IL4R: variants seen among roughly 807,000 people sequenced by gnomAD.
IL4R encodes interleukin-4 receptor subunit alpha.
IL4R carries 17 observed loss-of-function variants against 41.5 expected under a neutral mutation model. That is an observed-to-expected ratio of 0.41 (90% confidence interval 0.28 to 0.61). The LOEUF (loss-of-function observed/expected upper bound fraction) is 0.61. Among genes scored for constraint, IL4R ranks in the 20% least tolerant of loss-of-function variants. The pLI, the probability that IL4R is intolerant of heterozygous loss-of-function variation, is 0.31. For synonymous variants in IL4R, 402 were observed against 422.9 expected (o/e 0.95, Z 0.61); for missense variants, 974 against 1,043.1 (o/e 0.93, Z 0.91).
chr16:27,325,877 C>T (rs1160112683), intron 1 of IL4R, among the ~76,000 whole-genome samples: 2 of 152,106 alleles, frequency 1.3e-5, no homozygotes. Flanking sequence ...GCAGCTTGCC[C>T]AGCAGGCTGG....
At position 27,345,018 on chromosome 16, in the gene IL4R, A is replaced by G. The variant is rs2085589258; in HGVS notation, c.359A>G (p.His120Arg). The change falls in exon 5 of 11, where the codon CAT becomes CGT. Residue 120 changes from histidine (H) to arginine (R), a missense_variant and splice_region_variant. His to Arg is a conservative substitution (Grantham distance 29). Coordinates refer to ENST00000395762, the MANE Select transcript of IL4R (RefSeq NM_000418.4). This position sits in a 1 kb window ranked among gnomAD's most constrained non-coding sequence, Gnocchi z 4.5. ...LWKGSFKPSE[H>R]VKPRAPGNLT... ...AAGGGCTCCTTCAAGCCCAGCGAGCATGGTGAGCAGGGCGGAGTGCGGCAG... is the reference window on the plus strand; with the variant it reads ...AAGGGCTCCTTCAAGCCCAGCGAGCGTGGTGAGCAGGGCGGAGTGCGGCAG... 7.2e-7 allele frequency: 1 copy of G among 1,379,486 alleles called. No homozygotes were observed. Among genetic ancestry groups the G allele is most frequent in the East Asian group, 3.8e-5 (1 of 26,234 alleles). 85.5% of individuals were successfully genotyped at this position (1,379,486 alleles called of 1,614,324 possible).
intron 8 of IL4R, among the ~76,000 whole-genome samples, chr16:27,358,468 C>A (rs1361949625): frequency 1.3e-5 from 2 of 152,330 alleles, no homozygotes; most frequent in East Asian, 3.9e-4. Context: ...CTCCGTAGGT[C>A]CCCCAGCTTC....
At chr16:27,328,921 A>T (rs1276757245) in intron 1 of IL4R, among the ~76,000 whole-genome samples, 1 of 152,154 alleles carries the variant, frequency 6.6e-6, no homozygotes, top group African/African-American at 2.4e-5. Context: ...ACCGTTCATA[A>T]TGTAGATTGC....
intron 1 of IL4R, among the ~76,000 whole-genome samples, chr16:27,329,210 C>T (rs1279718856): frequency 6.6e-6 from 1 of 152,082 alleles, no homozygotes; most frequent in Non-Finnish European, 1.5e-5. Flanking sequence ...ATAAAAGCTC[C>T]CTGAGGCCTC....
At chr16:27,362,210 C>CG in intron 10 of IL4R, 42 bp from the exon 11 acceptor site, 2 of 1,589,558 alleles carry the variant, frequency 1.3e-6, no homozygotes, top group Non-Finnish European at 1.7e-6. Context: ...AGGAGTTTTT[C>CG]AAGTGTCGAA....
chr16:27,344,623 G>A (rs1490806662), intron 4 of IL4R, among the ~76,000 whole-genome samples: 7 of 152,228 alleles, frequency 4.6e-5, no homozygotes, highest in Non-Finnish European at 1.0e-4. Flanking sequence ...ACCAGGGCCG[G>A]CAGCTAGGCA....
intron 2 of IL4R, among the ~76,000 whole-genome samples, chr16:27,334,859 A>T (rs889962929): frequency 6.6e-6 from 1 of 152,094 alleles, no homozygotes; most frequent in African/African-American, 2.4e-5. Context: ...TAGGGGCCCC[A>T]CATCATGTCC....
chr16:27,338,770 G>T (rs1029619639), intron 2 of IL4R, among the ~76,000 whole-genome samples: 1 of 152,042 alleles, frequency 6.6e-6, no homozygotes, highest in Non-Finnish European at 1.5e-5. Flanking sequence ...GTGAGGAATG[G>T]GCTCTCACCA....
intron 7 of IL4R, among the ~76,000 whole-genome samples, 196 bp downstream of exon 7, chr16:27,352,892 T>G (rs1386908028): frequency 2.0e-5 from 3 of 152,174 alleles, no homozygotes; most frequent in African/African-American, 7.2e-5. Flanking sequence ...AAGCCCACAA[T>G]TTCCATGGCT....
At position 27,345,068 on chromosome 16, in the gene IL4R, C is replaced by T; in HGVS notation, c.361+48C>T. On this transcript the variant is annotated intron_variant, in intron 5 of 10. Transcript: ENST00000395762. This position sits in a 1 kb window ranked among gnomAD's most constrained non-coding sequence, Gnocchi z 4.5. ...GGGGTGGCTGGGTGTGTTCCCACAG[C>T]TGCCTGGGCTGAGGGTGGGGTGGGC... is the stretch of plus-strand genomic sequence containing the variant. The T allele has an allele frequency of 9.6e-7, 1 of 1,044,512 alleles. No individual in the cohort carries two copies. Among genetic ancestry groups the T allele is most frequent in the Non-Finnish European group, 1.4e-6 (1 of 723,546 alleles). 64.7% of individuals were successfully genotyped at this position (1,044,512 alleles called of 1,614,324 possible).
intron 1 of IL4R, among the ~76,000 whole-genome samples, chr16:27,323,808 A>G (rs1199293097): frequency 6.6e-6 from 1 of 152,056 alleles, no homozygotes; most frequent in Non-Finnish European, 1.5e-5. Flanking sequence ...GGCATGTGCC[A>G]CCATGCCTGG....
intron 4 of IL4R, 141 bp downstream of exon 4, chr16:27,342,400 G>C: frequency 8.0e-6 from 8 of 996,788 alleles, no homozygotes; most frequent in Non-Finnish European, 1.2e-5. Context: ...TAGAGGGGAG[G>C]TCCCATCTCC....
intron 1 of IL4R, among the ~76,000 whole-genome samples, chr16:27,317,886 G>T (rs1295183003): frequency 6.6e-6 from 1 of 152,170 alleles, no homozygotes; most frequent in East Asian, 1.9e-4. Context: ...CTGCATTTTG[G>T]ACCGAGTCCC....
intron 2 of IL4R, among the ~76,000 whole-genome samples, chr16:27,336,368 G>A (rs533652813): frequency 1.3e-5 from 2 of 152,208 alleles, no homozygotes; most frequent in African/African-American, 4.8e-5. Context: ...TAGGGGAAGA[G>A]AGGAAAAGCA....
chr16:27,325,359 G>T (rs1000883556), intron 1 of IL4R, among the ~76,000 whole-genome samples: 7 of 152,234 alleles, frequency 4.6e-5, no homozygotes, highest in Admixed American at 3.3e-4. Context: ...ATCACCTGAG[G>T]TCAGGAGTTT....
At chr16:27,327,531 C>T (rs1201791420) in intron 1 of IL4R, among the ~76,000 whole-genome samples, 11 of 152,272 alleles carry the variant, frequency 7.2e-5, no homozygotes, top group Admixed American at 3.9e-4. Flanking sequence ...TTTGCTGCTT[C>T]CTAACTCTGT....
At chr16:27,331,622 A>T (rs1173506850) in intron 2 of IL4R, among the ~76,000 whole-genome samples, 1 of 152,060 alleles carries the variant, frequency 6.6e-6, no homozygotes, top group Non-Finnish European at 1.5e-5. Context: ...GTTGTCATAC[A>T]TGACAGCAGT....
At chr16:27,314,286 G>A (rs1218774594) in intron 1 of IL4R, 4 of 241,074 alleles carry the variant, frequency 1.7e-5, no homozygotes, top group Non-Finnish European at 2.7e-5. Flanking sequence ...GACCTCCGCC[G>A]GGACGGCCTG....
chr16:27,344,737 A>C (rs2085573446), intron 4 of IL4R, 132 bp from the exon 5 acceptor site: 1 of 966,890 alleles, frequency 1.0e-6, no homozygotes, highest in Admixed American at 2.4e-5. Context: ...CCAAGCCCCC[A>C]GATCTGTCCT....
Sources: gnomAD v4.1 joint callset for allele counts (sites outside exome capture counted in the v4.1 genomes callset) on GRCh38, gnomAD v4.1.1 for gene constraint, Gnocchi (gnomAD v3.1) non-coding constraint, MANE v1.5 for transcripts, NCBI Gene and HGNC (gene_info 2026-07-23, HGNC 2026-07-21) for gene names.